LRRC4C: variants seen among roughly 807,000 people sequenced by gnomAD.
LRRC4C encodes leucine rich repeat containing 4C.
LRRC4C carries 5 observed loss-of-function variants against 33.6 expected under a neutral mutation model. That is an observed-to-expected ratio of 0.15 (90% CI 0.08 to 0.31). The LOEUF (loss-of-function observed/expected upper bound fraction) is 0.31, where lower values mean the gene tolerates loss of function less well. LRRC4C is among the 10% of genes least tolerant of loss of function. The probability of loss-of-function intolerance (pLI) is 1.00; values close to 1 mark genes in which losing one functional copy is unlikely to be tolerated. For missense variants in LRRC4C, 560 were observed against 796.7 expected (o/e 0.70, Z 3.58); for synonymous variants, 329 against 302.0 (o/e 1.09, Z -0.93).
At chr11:40,983,114 GA>G (rs1565268953) in intron 1 of LRRC4C, among the ~76,000 whole-genome samples, 1 of 152,110 alleles carries the variant, frequency 6.6e-6, no homozygotes, top group African/African-American at 2.4e-5. Context: ...TTGCTGTTGT[GA>G]ATAGTGCTGT....
intron 1 of LRRC4C, among the ~76,000 whole-genome samples, chr11:40,988,326 G>T (rs1368746313): frequency 1.3e-5 from 2 of 152,078 alleles, no homozygotes; most frequent in Non-Finnish European, 1.5e-5. Context: ...TATGTCTTTT[G>T]TCTTTTGTTA....
At chr11:40,843,355 C>G (rs1438951319) in intron 2 of LRRC4C, among the ~76,000 whole-genome samples, 2 of 152,140 alleles carry the variant, frequency 1.3e-5, no homozygotes, top group African/African-American at 4.8e-5. Flanking sequence ...AAATCCCCGT[C>G]TTAGAATTAT....
At chr11:40,644,869 T>G (rs1021216976) in intron 3 of LRRC4C, among the ~76,000 whole-genome samples, 1 of 152,056 alleles carries the variant, frequency 6.6e-6, no homozygotes, top group African/African-American at 2.4e-5. Flanking sequence ...AATACTCTGG[T>G]TATAGTATTG....
intron 3 of LRRC4C, among the ~76,000 whole-genome samples, chr11:40,615,732 C>T (rs546803303): frequency 5.9e-5 from 9 of 151,712 alleles, no homozygotes; most frequent in South Asian, 2.1e-4. Flanking sequence ...AAGTAAACAC[C>T]GGCTATGCAG....
chr11:41,220,363 A>T (rs1947248301), intron 1 of LRRC4C, among the ~76,000 whole-genome samples: 1 of 152,188 alleles, frequency 6.6e-6, no homozygotes, highest in African/African-American at 2.4e-5. Flanking sequence ...AAACAATATG[A>T]AATACCCCTC....
intron 3 of LRRC4C, among the ~76,000 whole-genome samples, chr11:40,342,891 C>A (rs944501549): frequency 4.6e-5 from 7 of 152,076 alleles, no homozygotes; most frequent in Non-Finnish European, 1.0e-4. Context: ...TTTATCTATT[C>A]ATTCATCCAT....
chr11:41,246,189 C>T (rs1948445154), intron 1 of LRRC4C, among the ~76,000 whole-genome samples: 1 of 152,098 alleles, frequency 6.6e-6, no homozygotes, highest in African/African-American at 2.4e-5. Flanking sequence ...GCCTGCAGTC[C>T]CTTGCCAAGC....
At chr11:41,322,111 C>T (rs989274643) in intron 1 of LRRC4C, among the ~76,000 whole-genome samples, 1 of 151,912 alleles carries the variant, frequency 6.6e-6, no homozygotes, top group African/African-American at 2.4e-5. Context: ...GTGATCTGCC[C>T]GCCTCAGCCT....
chr11:41,368,961 C>T (rs1952644488), intron 1 of LRRC4C, among the ~76,000 whole-genome samples: 1 of 152,166 alleles, frequency 6.6e-6, no homozygotes, highest in Admixed American at 6.5e-5. Flanking sequence ...AAAGGATATC[C>T]TCTTGTTCTC....
At chr11:40,359,373 G>A (rs1947843244) in intron 3 of LRRC4C, among the ~76,000 whole-genome samples, 1 of 152,146 alleles carries the variant, frequency 6.6e-6, no homozygotes. Context: ...ATATTATTTG[G>A]AGCATCCCAG....
intron 1 of LRRC4C, among the ~76,000 whole-genome samples, chr11:41,304,578 G>T (rs888739624): frequency 4.7e-5 from 2 of 42,148 alleles, no homozygotes; most frequent in African/African-American, 6.6e-5. Context: ...GAGGTGGGGG[G>T]GTCAGCCCCC....
Position 41,281,042 on chromosome 11 carries a change from T to TTCTCTCTCTCTCTCTCTCTCTCTC in LRRC4C, c.-496+178365_-496+178388dup, listed in dbSNP as rs71063910. Among the ~76,000 whole-genome samples the TTCTCTCTCTCTCTCTCTCTCTCTC allele has an allele frequency of 1.4e-3, 104 of 76,180 alleles. 9 individuals carry two copies. The highest frequency in any genetic ancestry group is 4.6e-3 in the East Asian group (10 of 2,196). The allele number at this position is 76,180 out of a possible 152,430, so 50.0% of individuals were successfully genotyped here. On this transcript the variant is annotated intron_variant, in intron 1 of 6. Coordinates refer to ENST00000528697, the MANE Select transcript of LRRC4C (RefSeq NM_001258419.2). ...AGATAATCTCACTTAAATACATATT[T>TTCTCTCTCTCTCTCTCTCTCTCTC]TCTCTCTCTCTCTCTCTCTCTCTCT...
At chr11:40,375,248 A>G (rs908199864) in intron 3 of LRRC4C, among the ~76,000 whole-genome samples, 1 of 152,204 alleles carries the variant, frequency 6.6e-6, no homozygotes, top group Non-Finnish European at 1.5e-5. Flanking sequence ...TCCTTTCCTC[A>G]ACAGCGGTAA....
At chr11:41,241,752 T>C (rs1457939589) in intron 1 of LRRC4C, among the ~76,000 whole-genome samples, 2 of 152,156 alleles carry the variant, frequency 1.3e-5, no homozygotes, top group African/African-American at 4.8e-5. Context: ...CCCTCTTTCG[T>C]CCTTTTATCT....
chr11:41,100,652 C>G (rs115306637), intron 1 of LRRC4C, among the ~76,000 whole-genome samples: 1,547 of 152,086 alleles, frequency 0.01, 24 homozygotes, highest in African/African-American at 0.036. Flanking sequence ...CTATTTCTAT[C>G]AAACCAATGA....
rs1307559943 is a variant in LRRC4C at position 41,205,813 on chromosome 11, C to G, written c.-496+253618G>C. Among the ~76,000 whole-genome samples the G allele has an allele frequency of 5.9e-5, 9 of 152,224 alleles. No homozygotes were observed. In the East Asian group the frequency reaches 1.5e-3, roughly 26 times the overall value. ...CTGTGAAGTAGATTCTATTATTATC[C>G]TCCTTTTACAGATGAGTAATCTGAG... On this transcript the variant is annotated intron_variant, in intron 1 of 6. Transcript: ENST00000528697.
intron 2 of LRRC4C, among the ~76,000 whole-genome samples, chr11:40,678,987 C>A (rs966946751): frequency 2.0e-5 from 3 of 152,124 alleles, no homozygotes; most frequent in Non-Finnish European, 4.4e-5. Flanking sequence ...GTTTGGAACT[C>A]CCTACACACT....
intron 1 of LRRC4C, among the ~76,000 whole-genome samples, chr11:41,267,400 T>A (rs16935517): frequency 0.046 from 6,925 of 152,170 alleles, 202 homozygotes; most frequent in South Asian, 0.074. Context: ...TCTGTGACCA[T>A]AGAGAAATGA....
intron 2 of LRRC4C, among the ~76,000 whole-genome samples, chr11:40,931,347 T>G (rs2136464954): frequency 6.6e-6 from 1 of 152,308 alleles, no homozygotes; most frequent in Non-Finnish European, 1.5e-5. Flanking sequence ...TTCTTAGAAA[T>G]AATTTAATCA....
Sources: allele counts gnomAD v4.1 joint callset (sites outside exome capture counted in the v4.1 genomes callset), GRCh38; gene constraint gnomAD v4.1.1; transcripts MANE v1.5; gene names NCBI Gene and HGNC (gene_info 2026-07-23, HGNC 2026-07-21).